Variants in INPP5A observed in about 807,000 individuals in gnomAD.
INPP5A encodes inositol polyphosphate-5-phosphatase A, also known as 43 kDa inositol polyphosphate 5-phophatase.
INPP5A carries 14 observed loss-of-function variants against 65.2 expected under a neutral mutation model. The observed-to-expected ratio is 0.21, with a 90% confidence interval of 0.14 to 0.34. The LOEUF (loss-of-function observed/expected upper bound fraction) is 0.34. INPP5A is among the 10% of genes least tolerant of loss of function. The pLI is 1.00. For synonymous variants in INPP5A, 207 were observed against 208.3 expected, an observed-to-expected ratio of 0.99 and a Z score of 0.05; for missense variants, 431 against 545.6, an observed-to-expected ratio of 0.79 and a Z score of 2.09.
intron 12 of INPP5A, among the ~76,000 whole-genome samples, chr10:132,775,273 C>T (rs1339489538): frequency 4.0e-5 from 6 of 151,626 alleles, no homozygotes; most frequent in Admixed American, 1.3e-4. Context: ...TACGATTGTT[C>T]GCCCTATCAC....
At position 132,759,705 on chromosome 10, in the gene INPP5A, G is replaced by A. The variant is rs527992493; in HGVS notation, c.904-6068G>A. ...AACAGTCTGTGTTCTATGGCCCGGC[G>A]CCCTCCTCACCCTGCAGGAGCCCCG... is the stretch of plus-strand genomic sequence containing the variant. On this transcript the variant is annotated intron_variant, in intron 11 of 15. Coordinates refer to ENST00000368594, the MANE Select transcript of INPP5A (RefSeq NM_005539.5). Among the ~76,000 whole-genome samples, 11 of 152,102 alleles carry A rather than the reference G, an allele frequency of 7.2e-5. No individual in the cohort carries two copies. In the South Asian group the frequency reaches 1.7e-3, roughly 23 times the overall value.
At chr10:132,729,996 A>G (rs1158903509) in intron 9 of INPP5A, among the ~76,000 whole-genome samples, 1 of 152,166 alleles carries the variant, frequency 6.6e-6, no homozygotes, top group Admixed American at 6.5e-5. Flanking sequence ...AGCCGCCCAC[A>G]CCACCATAAG....
At chr10:132,596,087 T>C (rs532535422) in intron 1 of INPP5A, among the ~76,000 whole-genome samples, 5 of 152,328 alleles carry the variant, frequency 3.3e-5, no homozygotes, top group Admixed American at 1.3e-4. Flanking sequence ...TGTTTATTTT[T>C]TACTCTCACT....
At chr10:132,700,556 A>C (rs1450065856) in intron 6 of INPP5A, among the ~76,000 whole-genome samples, 3 of 152,104 alleles carry the variant, frequency 2.0e-5, no homozygotes, top group Non-Finnish European at 4.4e-5. Flanking sequence ...CACAGAGCCT[A>C]TGTGGCACCC....
In INPP5A at chr10:132,635,815, A is replaced by G. The variant is rs112304641; in HGVS notation, c.118-10053A>G. On this transcript the variant is annotated intron_variant, in intron 2 of 15. Coordinates refer to ENST00000368594, the MANE Select transcript of INPP5A (RefSeq NM_005539.5). ...TCCCTGTCTCTCGAAGATTTAAAAA[A>G]AAAAAAAATTAGCTGGGTTTGGTGG... Among the ~76,000 whole-genome samples the G allele has an allele frequency of 8.0e-3, 1,223 of 152,008 alleles. 15 individuals are homozygous for G. The highest frequency in any genetic ancestry group is 0.028 in the African/African-American group (1,172 of 41,426).
chr10:132,559,410 G>A (rs998851622), intron 1 of INPP5A, among the ~76,000 whole-genome samples: 7 of 152,220 alleles, frequency 4.6e-5, no homozygotes, highest in Non-Finnish European at 7.3e-5. Flanking sequence ...GTGTTTTAGC[G>A]TGTTCACAAG....
At chr10:132,732,223 G>T (rs1421553219) in intron 9 of INPP5A, among the ~76,000 whole-genome samples, 10 of 152,270 alleles carry the variant, frequency 6.6e-5, no homozygotes, top group Non-Finnish European at 1.2e-4. Flanking sequence ...TCTGCCATTT[G>T]CAAAGGAATG....
chr10:132,731,099 C>A (rs574957161), intron 9 of INPP5A, among the ~76,000 whole-genome samples: 1 of 152,172 alleles, frequency 6.6e-6, no homozygotes, highest in Non-Finnish European at 1.5e-5. Flanking sequence ...GGGGTCTCCA[C>A]GCTGCCTGGC....
rs2071119130 is a variant in INPP5A at position 132,555,843 on chromosome 10, C to T, written c.75+17672C>T. Among the ~76,000 whole-genome samples the T allele has an allele frequency of 6.6e-6, 1 of 152,196 alleles. No homozygotes were observed. Among genetic ancestry groups the T allele is most frequent in the South Asian group, 2.1e-4 (1 of 4,832 alleles). On this transcript the variant is annotated intron_variant, in intron 1 of 15. Transcript: ENST00000368594. This position sits in a 1 kb window ranked among gnomAD's most constrained non-coding sequence, Gnocchi z 4.4. ...AGGGGGTGACTTCAGCGTTTTATGG[C>T]AGCTGCTGCATTAGGAATCTGCGTC... is the stretch of plus-strand genomic sequence containing the variant.
In INPP5A at chr10:132,637,499, A is replaced by G. The variant is rs977937353; in HGVS notation, c.118-8369A>G. Among the ~76,000 whole-genome samples, 1 of 151,806 alleles carries G rather than the reference A, an allele frequency of 6.6e-6. No individual in the cohort carries two copies. The highest frequency in any genetic ancestry group is 6.6e-5 in the Admixed American group (1 of 15,260). ...TGTCCTTTGGGTCCCTGATCCTCCAAATGTTCCTCCTTCTCTGCCTGTCTC... is the reference window on the plus strand; with the variant it reads ...TGTCCTTTGGGTCCCTGATCCTCCAGATGTTCCTCCTTCTCTGCCTGTCTC... On this transcript the variant is annotated intron_variant, in intron 2 of 15. Transcript: ENST00000368594. The surrounding 1 kb of genome is among the most constrained non-coding windows in gnomAD (Gnocchi z 4.1).
chr10:132,745,636 G>T (rs1025824610), intron 9 of INPP5A, among the ~76,000 whole-genome samples: 5 of 151,506 alleles, frequency 3.3e-5, no homozygotes, highest in Non-Finnish European at 5.9e-5. Flanking sequence ...GGTGGGCCTC[G>T]GGCGTGGTGG....
intron 9 of INPP5A, among the ~76,000 whole-genome samples, chr10:132,748,887 G>T (rs965296689): frequency 6.6e-6 from 1 of 152,220 alleles, no homozygotes; most frequent in African/African-American, 2.4e-5. Flanking sequence ...CGGTGTGATC[G>T]CTGGGACCCT....
chr10:132,642,905 T>C (rs1046311339), intron 2 of INPP5A, among the ~76,000 whole-genome samples: 2 of 152,166 alleles, frequency 1.3e-5, no homozygotes, highest in Admixed American at 1.3e-4. Context: ...TCTTGCCAGC[T>C]TGGGGAAACT....
At chr10:132,585,960 GTCA>G (rs2071540314) in intron 1 of INPP5A, among the ~76,000 whole-genome samples, 1 of 152,184 alleles carries the variant, frequency 6.6e-6, no homozygotes, top group Non-Finnish European at 1.5e-5. Context: ...TTCCCTCTGG[GTCA>G]TTGTGAAGCA....
intron 4 of INPP5A, among the ~76,000 whole-genome samples, chr10:132,681,068 C>T (rs964045882): frequency 6.6e-6 from 1 of 152,248 alleles, no homozygotes; most frequent in Non-Finnish European, 1.5e-5. Context: ...CAGGCAGCTC[C>T]ACCTGCAGCC....
chr10:132,645,196 G>A (rs2072476631), intron 2 of INPP5A, among the ~76,000 whole-genome samples: 1 of 152,148 alleles, frequency 6.6e-6, no homozygotes, highest in Admixed American at 6.5e-5. Flanking sequence ...ACATGTCGGG[G>A]GCCTGGGAGC....
intron 8 of INPP5A, among the ~76,000 whole-genome samples, chr10:132,711,728 C>A (rs1194648577): frequency 1.3e-5 from 2 of 152,252 alleles, no homozygotes; most frequent in Non-Finnish European, 2.9e-5. Context: ...CCCACCCACA[C>A]CTGTCTTAGC....
intron 11 of INPP5A, among the ~76,000 whole-genome samples, chr10:132,759,449 A>G (rs1251964215): frequency 6.6e-6 from 1 of 152,236 alleles, no homozygotes. Flanking sequence ...AATGGTTCAG[A>G]AACACCTCAG....
intron 4 of INPP5A, among the ~76,000 whole-genome samples, chr10:132,683,344 C>T (rs112379293): frequency 1.6e-4 from 24 of 150,428 alleles, no homozygotes; most frequent in African/African-American, 5.6e-4. Context: ...CCAGCAAGGC[C>T]ATCTGTGTAT....
Sources: allele counts gnomAD v4.1 joint callset (sites outside exome capture counted in the v4.1 genomes callset), GRCh38; gene constraint gnomAD v4.1.1; non-coding constraint Gnocchi (gnomAD v3.1); transcripts MANE v1.5; gene names NCBI Gene and HGNC (gene_info 2026-07-23, HGNC 2026-07-21).